LARP1B: variants seen among roughly 807,000 people sequenced by gnomAD.
The protein encoded by LARP1B is La ribonucleoprotein 1B.
Under a neutral mutation model 114.2 loss-of-function variants are expected in LARP1B, and 76 were observed. The observed-to-expected ratio is 0.67, with a 90% CI of 0.55 to 0.81. The LOEUF (loss-of-function observed/expected upper bound fraction) is 0.81. LARP1B is among the 30% of genes least tolerant of loss of function. The probability of loss-of-function intolerance (pLI) is 0.00; values close to 1 mark genes in which losing one functional copy is unlikely to be tolerated. For synonymous variants in LARP1B, 345 were observed against 348.0 expected (o/e 0.99, Z 0.10); for missense variants, 1,014 against 1,075.8 (o/e 0.94, Z 0.80).
rs148335075 is a variant in LARP1B, at chr4:128,138,665, A to G, written c.1524+16477A>G. On this transcript the variant is annotated intron_variant, in intron 11 of 19. Transcript: ENST00000326639. Reference sequence around the variant, plus strand: ...AGAGTCAGGCATTACCTAGGTATAAAAAGGCTAAACAGCTGGGCATGGTGG... The same window carrying G: ...AGAGTCAGGCATTACCTAGGTATAAGAAGGCTAAACAGCTGGGCATGGTGG... 8.5e-5 allele frequency among the ~76,000 whole-genome samples: 13 copies of G among 152,264 alleles called. No individual in the cohort carries two copies. The East Asian group carries it at 2.5e-3, about 29-fold the overall frequency.
chr4:128,109,038 A>T (rs767816200), intron 9 of LARP1B: 20 of 160,560 alleles, frequency 1.2e-4, no homozygotes, highest in Non-Finnish European at 2.5e-4. Flanking sequence ...TAGATGGTTA[A>T]TGAAGAAATA....
chr4:128,197,274 C>CT (rs1358016914), intron 15 of LARP1B, among the ~76,000 whole-genome samples: 1 of 152,104 alleles, frequency 6.6e-6, no homozygotes, highest in African/African-American at 2.4e-5. Flanking sequence ...TTAGAAAAGT[C>CT]TTTAAGTATT....
chr4:128,178,631 A>G lies in LARP1B; in HGVS notation c.1885A>G (p.Ile629Val), dbSNP rs1250441718. ...FYPVVKEPKA[I>V]DVKSPRKRKT... ...TCCTGTTGTTAAAGAACCAAAAGCC[A>G]TTGATGTAAAGGTATACAAAACAAC... Residue 629 changes from isoleucine to valine, a missense_variant, in exon 14 of 20, where the codon ATT (isoleucine) becomes GTT (valine). Physicochemically the swap from Ile to Val is conservative, Grantham distance 29. Transcript: ENST00000326639. 2 of 1,612,990 alleles carry G rather than the reference A, an allele frequency of 1.2e-6. No individual in the cohort carries two copies. Among genetic ancestry groups the G allele is most frequent in the Non-Finnish European group, 1.7e-6 (2 of 1,179,110 alleles).
At chr4:128,086,000 C>T (rs1163375766) in intron 5 of LARP1B, among the ~76,000 whole-genome samples, 2 of 146,194 alleles carry the variant, frequency 1.4e-5, no homozygotes, top group African/African-American at 2.5e-5. Flanking sequence ...ATTGCTTTGT[C>T]ATGGTATTCT....
intron 4 of LARP1B, among the ~76,000 whole-genome samples, chr4:128,079,986 CTT>C (rs1268942912): frequency 4.9e-5 from 7 of 144,236 alleles, no homozygotes; most frequent in Admixed American, 7.0e-5. Flanking sequence ...TAAAATTTGT[CTT>C]TTTTTTTTTT....
At chr4:128,212,570 C>T (rs999169469), downstream of LARP1B, among the ~76,000 whole-genome samples, 10 of 151,950 alleles carry the variant, frequency 6.6e-5, no homozygotes, top group Non-Finnish European at 1.3e-4. Flanking sequence ...TCGCTTGAAC[C>T]CAAGAGGCAG....
chr4:128,160,606 C>T (rs1254854253), intron 11 of LARP1B, among the ~76,000 whole-genome samples: 2 of 151,880 alleles, frequency 1.3e-5, no homozygotes, highest in African/African-American at 4.8e-5. Context: ...CTTGTGTTTC[C>T]ATCAGGGTAG....
At chr4:128,194,551 C>T (rs6834274) in intron 15 of LARP1B, among the ~76,000 whole-genome samples, 4,087 of 151,534 alleles carry the variant, frequency 0.027, 88 homozygotes, top group East Asian at 0.1. Context: ...GGCATGGTGG[C>T]GGGCGCCTGT....
chr4:128,207,478 T>A (rs1757915591), intron 19 of LARP1B, 95 bp downstream of exon 19: 6 of 796,004 alleles, frequency 7.5e-6, no homozygotes, highest in South Asian at 8.9e-5. Context: ...TAATTTTTAT[T>A]TTTTAACTTT....
intron 7 of LARP1B, among the ~76,000 whole-genome samples, chr4:128,097,314 TG>T (rs1778436407): frequency 1.3e-5 from 2 of 152,142 alleles, no homozygotes; most frequent in South Asian, 2.1e-4. Context: ...TGTTTTGTTT[TG>T]TTTTTTTTTG....
intron 7 of LARP1B, among the ~76,000 whole-genome samples, chr4:128,220,914 G>GT (rs1358789999): frequency 2.6e-5 from 4 of 152,200 alleles, no homozygotes; most frequent in African/African-American, 9.6e-5. Context: ...CTGAGCTAGC[G>GT]TTTGAACTCC....
At chr4:128,111,043 ATTTTTT>A (rs765576523) in intron 9 of LARP1B, among the ~76,000 whole-genome samples, 1 of 136,324 alleles carries the variant, frequency 7.3e-6, no homozygotes, top group Non-Finnish European at 1.6e-5. Context: ...AAAACTCATA[ATTTTTT>A]TTTTTTTTTT....
At chr4:128,203,364 C>T (rs1756612570) in intron 17 of LARP1B, among the ~76,000 whole-genome samples, 1 of 119,668 alleles carries the variant, frequency 8.4e-6, no homozygotes, top group Non-Finnish European at 1.7e-5. Flanking sequence ...TCTTTTTCCT[C>T]CCTCCCTCCC....
At chr4:128,082,970 G>T (rs9942272) in intron 5 of LARP1B, among the ~76,000 whole-genome samples, 1 of 151,374 alleles carries the variant, frequency 6.6e-6, no homozygotes, top group Non-Finnish European at 1.5e-5. Context: ...GCGGCCTTCC[G>T]CAGTGTTTGT....
In LARP1B at chr4:128,114,852, A is replaced by G. The variant is rs966932289; in HGVS notation, c.1161+110A>G. On this transcript the variant is annotated intron_variant, in intron 10 of 19. Transcript: ENST00000326639. The stretch of plus-strand genomic sequence containing the variant: ...GTAAAATTTGGAAAAGTTTAGCACA[A>G]TTTTAACTTTGTAATTGTTGGCCTT... 20 of 917,344 alleles carry G rather than the reference A, an allele frequency of 2.2e-5. No homozygotes were observed. The Middle Eastern group carries it at 1.2e-3, about 56-fold the overall frequency. The allele number at this position is 917,344 out of a possible 1,614,324, so 56.8% of individuals were successfully genotyped here. A position where few individuals can be genotyped will look rare whatever the true frequency, so the allele number is the denominator to read the frequency against.
Position 128,118,879 on chromosome 4 carries a change from GT to G in LARP1B, c.1162-2946del, listed in dbSNP as rs1190584570. The stretch of plus-strand genomic sequence containing the variant: ...GTTTAATGTGAGGTATGATTCCACA[GT>G]CTTTTTTTTTTTTTGAGACAGAGTT... On this transcript the variant is annotated intron_variant, in intron 10 of 19. Coordinates refer to ENST00000326639, the MANE Select transcript of LARP1B (RefSeq NM_018078.4). Among the ~76,000 whole-genome samples, 32 of 94,512 alleles carry G rather than the reference GT, an allele frequency of 3.4e-4. No individual in the cohort carries two copies. In the South Asian group the frequency reaches 0.014, roughly 42 times the overall value. 62.0% of individuals were successfully genotyped at this position (94,512 alleles called of 152,430 possible).
chr4:128,159,915 T>C (rs1442125562), intron 11 of LARP1B, among the ~76,000 whole-genome samples: 1 of 152,206 alleles, frequency 6.6e-6, no homozygotes, highest in Non-Finnish European at 1.5e-5. Context: ...TGTAAAAACG[T>C]ATTTATAGGA....
At chr4:128,205,147 T>C (rs72683936) in intron 17 of LARP1B, among the ~76,000 whole-genome samples, 29 of 152,348 alleles carry the variant, frequency 1.9e-4, no homozygotes, top group Non-Finnish European at 3.7e-4. Context: ...TAGTTGGCAG[T>C]CCTGCATTTC....
intron 11 of LARP1B, among the ~76,000 whole-genome samples, chr4:128,149,995 A>T (rs561290375): frequency 3.3e-5 from 5 of 152,182 alleles, no homozygotes; most frequent in African/African-American, 1.2e-4. Context: ...TACTAAAAAT[A>T]CAAAAATTAG....
Sources: allele counts gnomAD v4.1 joint callset (sites outside exome capture counted in the v4.1 genomes callset), GRCh38; gene constraint gnomAD v4.1.1; transcripts MANE v1.5; gene names NCBI Gene and HGNC (gene_info 2026-07-23, HGNC 2026-07-21).